Variants in SLC16A7 observed in about 807,000 individuals in gnomAD.
SLC16A7 encodes the protein solute carrier family 16 member 7.
SLC16A7 carries 33 observed loss-of-function variants against 34.9 expected under a neutral mutation model. The ratio of observed to expected loss-of-function variants is 0.94; its 90% CI spans 0.72 to 1.26. SLC16A7 has a LOEUF of 1.26. SLC16A7 is among the 50% of genes most tolerant of loss of function. The pLI is 0.00. For missense variants in SLC16A7, 573 were observed against 578.1 expected (o/e 0.99, Z 0.09); for synonymous variants, 201 against 206.6 (o/e 0.97, Z 0.23).
At chr12:59,689,047 T>C (rs1473897201) in intron 2 of SLC16A7, among the ~76,000 whole-genome samples, 1 of 152,026 alleles carries the variant, frequency 6.6e-6, no homozygotes, top group African/African-American at 2.4e-5. Context: ...ATGTGTCTTT[T>C]ATCACATATT....
chr12:59,726,894 C>G (rs138293188), intron 3 of SLC16A7, among the ~76,000 whole-genome samples: 1 of 151,940 alleles, frequency 6.6e-6, no homozygotes, highest in Non-Finnish European at 1.5e-5. Context: ...GAGATTTATG[C>G]TTTATGATCA....
chr12:59,695,296 A>G (rs1277232668), intron 2 of SLC16A7, among the ~76,000 whole-genome samples: 2 of 151,926 alleles, frequency 1.3e-5, no homozygotes, highest in Non-Finnish European at 2.9e-5. Flanking sequence ...AAGGTTTTCT[A>G]CCTTTGGATG....
At chr12:59,686,187 A>G (rs1215729906) in intron 2 of SLC16A7, among the ~76,000 whole-genome samples, 3 of 141,856 alleles carry the variant, frequency 2.1e-5, no homozygotes, top group Non-Finnish European at 4.5e-5. Context: ...CACTGTCCAT[A>G]TGTTTATTAC....
chr12:59,631,060 G>A (rs977328794), intron 1 of SLC16A7, among the ~76,000 whole-genome samples: 5 of 151,814 alleles, frequency 3.3e-5, no homozygotes, highest in East Asian at 3.9e-4. Context: ...GAATAGTTAC[G>A]GTGGCAAGGG....
At position 59,779,620 on chromosome 12, in the gene SLC16A7, G is replaced by GTT. The variant is rs758627744; in HGVS notation, c.1379_1380dup (p.Asn461LeufsTer11). 6.2e-7 allele frequency: 1 copy of GTT among 1,611,776 alleles called. No individual in the cohort carries two copies. Among genetic ancestry groups the GTT allele is most frequent in the South Asian group, 1.1e-5 (1 of 91,006 alleles). ...GAGCAAATCTAAACATTCGGAAGAT[G>GTT]TTAACGTCAAAGTTTCAAATGCACA... On this transcript the variant is annotated frameshift_variant, in exon 6 of 6. Transcript: ENST00000547379. LOFTEE classifies it high-confidence loss of function.
chr12:59,648,881 T>C (rs1314769932), intron 1 of SLC16A7, among the ~76,000 whole-genome samples: 2 of 152,122 alleles, frequency 1.3e-5, no homozygotes, highest in Non-Finnish European at 2.9e-5. Context: ...AGATTATTGA[T>C]TGTGGTGCAT....
intron 1 of SLC16A7, among the ~76,000 whole-genome samples, chr12:59,607,674 A>G (rs568658615): frequency 4.6e-5 from 7 of 152,164 alleles, no homozygotes; most frequent in Admixed American, 1.3e-4. Context: ...TATAACTCTA[A>G]TATTTTTTTC....
intron 3 of SLC16A7, among the ~76,000 whole-genome samples, chr12:59,766,305 A>C (rs1268853352): frequency 2.6e-5 from 4 of 152,074 alleles, no homozygotes; most frequent in Non-Finnish European, 5.9e-5. Flanking sequence ...CTCTTTTCCT[A>C]ATTGAATGCC....
intron 1 of SLC16A7, among the ~76,000 whole-genome samples, chr12:59,623,088 G>C (rs1265544740): frequency 1.4e-5 from 2 of 139,892 alleles, no homozygotes; most frequent in Non-Finnish European, 1.6e-5. Flanking sequence ...GTGTGTGTGT[G>C]TGTGTCTGTA....
chr12:59,750,952 A>G (rs1244036613), intron 3 of SLC16A7, among the ~76,000 whole-genome samples: 4 of 152,090 alleles, frequency 2.6e-5, no homozygotes, highest in Non-Finnish European at 4.4e-5. Flanking sequence ...TCAGCAAACT[A>G]ACACAGGAAC....
intron 3 of SLC16A7, among the ~76,000 whole-genome samples, chr12:59,721,743 A>G (rs958331961): frequency 6.6e-6 from 1 of 151,956 alleles, no homozygotes; most frequent in Admixed American, 6.6e-5. Flanking sequence ...CTACCAATGT[A>G]GTGGTCATTT....
At chr12:59,699,549 T>TA (rs1244475562) in intron 2 of SLC16A7, among the ~76,000 whole-genome samples, 1 of 151,724 alleles carries the variant, frequency 6.6e-6, no homozygotes, top group Non-Finnish European at 1.5e-5. Flanking sequence ...TCTGAAGAAT[T>TA]ATTTGCACAA....
chr12:59,633,303 T>C (rs1261209521), intron 1 of SLC16A7, among the ~76,000 whole-genome samples: 1 of 152,002 alleles, frequency 6.6e-6, no homozygotes, highest in Non-Finnish European at 1.5e-5. Context: ...AATTTGTGCA[T>C]TATGGCTGCC....
intron 2 of SLC16A7, among the ~76,000 whole-genome samples, chr12:59,696,114 G>T (rs1442400628): frequency 6.6e-6 from 1 of 151,548 alleles, no homozygotes; most frequent in Non-Finnish European, 1.5e-5. Flanking sequence ...ATGCCAATAA[G>T]AATTTTCTTT....
intron 3 of SLC16A7, among the ~76,000 whole-genome samples, chr12:59,725,247 T>C (rs560984178): frequency 1.3e-5 from 2 of 152,172 alleles, no homozygotes; most frequent in East Asian, 3.9e-4. Context: ...TCTAAAGAAA[T>C]ATTTACCACT....
chr12:59,786,853 T>C lies in SLC16A7; in HGVS notation c.*7174T>C, dbSNP rs961951567. The stretch of plus-strand genomic sequence containing the variant: ...GGTCATAATGATGATCTTTGTAGAG[T>C]AAATAAAATATTTTCCTAGAAATAT... On this transcript the variant is annotated 3_prime_UTR_variant, in exon 6 of 6. Transcript: ENST00000547379. The C allele has an allele frequency of 6.6e-6, 1 of 152,104 alleles. No homozygotes were observed. Among genetic ancestry groups the C allele is most frequent in the Non-Finnish European group, 1.5e-5 (1 of 67,994 alleles). 9.4% of individuals were successfully genotyped at this position (152,104 alleles called of 1,614,324 possible).
chr12:59,656,950 T>G (rs1004155497), intron 2 of SLC16A7, among the ~76,000 whole-genome samples: 4 of 151,982 alleles, frequency 2.6e-5, no homozygotes, highest in African/African-American at 4.8e-5. Context: ...AATTATAATC[T>G]GAGCATCAGT....
At position 59,774,710 on chromosome 12, in the gene SLC16A7, T is replaced by A; in HGVS notation, c.415T>A (p.Phe139Ile). 6.2e-7 allele frequency: 1 copy of A among 1,611,866 alleles called. No individual in the cohort carries two copies. Among genetic ancestry groups the A allele is most frequent in the Non-Finnish European group, 8.5e-7 (1 of 1,179,396 alleles). The change falls in exon 5 of 6, where the codon TTC (phenylalanine) becomes ATC (isoleucine). Residue 139 changes from phenylalanine (F) to isoleucine (I), a missense_variant. Physicochemically the swap from Phe to Ile is conservative, Grantham distance 21. Transcript: ENST00000547379. Reference sequence around the variant, plus strand: ...CGCCTTAACCATAATTGGCAAATACTTCTATAGGAAGCGACCCATGGCAAA... The same window carrying A: ...CGCCTTAACCATAATTGGCAAATACATCTATAGGAAGCGACCCATGGCAAA... ...QPALTIIGKY[F>I]YRKRPMANGL...
chr12:59,649,228 G>A (rs1206219615), intron 1 of SLC16A7, among the ~76,000 whole-genome samples: 2 of 152,156 alleles, frequency 1.3e-5, no homozygotes, highest in African/African-American at 2.4e-5. Context: ...GGGAGTCATA[G>A]AGTGTACAAT....
Sources: gnomAD v4.1 joint callset for allele counts (sites outside exome capture counted in the v4.1 genomes callset) on GRCh38, gnomAD v4.1.1 for gene constraint, MANE v1.5 for transcripts, NCBI Gene and HGNC (gene_info 2026-07-23, HGNC 2026-07-21) for gene names.